The following TLL1 variants were observed in gnomAD, a reference collection of about 807,000 sequenced individuals.
The protein encoded by TLL1 is tolloid-like protein 1.
Under a neutral mutation model 128.2 loss-of-function variants are expected in TLL1, and 49 were observed. The ratio of observed to expected loss-of-function variants is 0.38; its 90% CI spans 0.30 to 0.48. TLL1 has a LOEUF of 0.48. Ranked by LOEUF, TLL1 falls within the 20% of genes least tolerant of loss-of-function variation. TLL1 has a pLI of 0.96. For synonymous variants in TLL1, 454 were observed against 418.8 expected, an observed-to-expected ratio of 1.08 and a Z score of -1.03; for missense variants, 1,123 against 1,242.0, an observed-to-expected ratio of 0.90 and a Z score of 1.44.
chr4:165,971,306 C>T (rs1301732350), intron 1 of TLL1, among the ~76,000 whole-genome samples: 1 of 152,106 alleles, frequency 6.6e-6, no homozygotes, highest in African/African-American at 2.4e-5. Flanking sequence ...TTGCCATGCC[C>T]CTTGTAGATT....
At chr4:165,918,333 A>C (rs1328310423) in intron 1 of TLL1, among the ~76,000 whole-genome samples, 1 of 152,164 alleles carries the variant, frequency 6.6e-6, no homozygotes, top group Non-Finnish European at 1.5e-5. Context: ...CAGGCTAAGA[A>C]TCTCTGGAGT....
chr4:166,006,938 T>C (rs538006842), intron 6 of TLL1, among the ~76,000 whole-genome samples: 3 of 151,850 alleles, frequency 2.0e-5, no homozygotes, highest in Admixed American at 2.0e-4. Context: ...GGGATCTTTT[T>C]ATATTTGATT....
At chr4:166,025,515 C>A in intron 9 of TLL1, 84 bp downstream of exon 9, 3 of 1,138,430 alleles carry the variant, frequency 2.6e-6, no homozygotes, top group Non-Finnish European at 2.6e-6. Context: ...TTGCTTTATC[C>A]TTTATTCTTG....
In TLL1 at chr4:166,065,786, A is replaced by G; in HGVS notation, c.2111A>G (p.Gln704Arg). 6.2e-7 allele frequency: 1 copy of G among 1,613,152 alleles called. No individual in the cohort carries two copies. Reference protein sequence around the residue: ...GAEVPEVITSQFNNMRIEFKS... With the variant: ...GAEVPEVITSRFNNMRIEFKS... ...GAAGTGCCTGAAGTGATCACATCCC[A>G]GTTCAACAATATGAGAATTGAATTC... The change falls in exon 16 of 21, where the codon CAG (glutamine) becomes CGG (arginine). Residue 704 changes from glutamine to arginine, a missense_variant. By Grantham distance (43) the Gln-to-Arg change is conservative. This residue lies in a region of TLL1 where 634 missense variants were observed against 672.4 expected (regional missense o/e 0.94). Transcript: ENST00000061240.
intron 1 of TLL1, among the ~76,000 whole-genome samples, chr4:165,957,805 G>A (rs578124557): frequency 1.2e-4 from 18 of 149,562 alleles, no homozygotes; most frequent in African/African-American, 3.7e-4. Flanking sequence ...CTGGTGTGCC[G>A]CACCCATTAA....
chr4:166,049,417 G>A (rs1739611790), intron 12 of TLL1, among the ~76,000 whole-genome samples: 1 of 152,034 alleles, frequency 6.6e-6, no homozygotes, highest in Admixed American at 6.6e-5. Context: ...TCCATCAGAG[G>A]CATGTCTGTT....
intron 12 of TLL1, among the ~76,000 whole-genome samples, chr4:166,052,965 G>GTGTGTGTGTGTATATATATATA: frequency 1.0e-5 from 1 of 99,648 alleles, no homozygotes; most frequent in African/African-American, 3.8e-5. Context: ...GAGGTTATGT[G>GTGTGTGTGTGTATATATATATA]TATATATATA....
chr4:166,006,854 C>A (rs74471419), intron 6 of TLL1, among the ~76,000 whole-genome samples: 2,041 of 151,748 alleles, frequency 0.013, 44 homozygotes, highest in African/African-American at 0.047. Flanking sequence ...AGTGAATACC[C>A]CACATTTCCT....
chr4:165,878,692 A>G (rs1302165699), intron 1 of TLL1, among the ~76,000 whole-genome samples: 1 of 151,870 alleles, frequency 6.6e-6, no homozygotes, highest in African/African-American at 2.4e-5. Flanking sequence ...GCTTCTGGGT[A>G]GTGTCATTCA....
intron 1 of TLL1, among the ~76,000 whole-genome samples, chr4:165,875,431 G>A (rs963071621): frequency 1.1e-4 from 17 of 152,134 alleles, no homozygotes; most frequent in Middle Eastern, 3.2e-3. Flanking sequence ...CTTAAATGCA[G>A]GTACTTATTT....
chr4:166,062,188 C>T (rs566624053), intron 15 of TLL1, among the ~76,000 whole-genome samples: 15 of 152,060 alleles, frequency 9.9e-5, no homozygotes, highest in Non-Finnish European at 2.1e-4. Flanking sequence ...TTAGGATTGT[C>T]GTGGAGATGT....
chr4:165,893,706 G>A (rs981114996), intron 1 of TLL1, among the ~76,000 whole-genome samples: 7 of 152,116 alleles, frequency 4.6e-5, no homozygotes, highest in Non-Finnish European at 8.8e-5. Flanking sequence ...AGCAGGTAAC[G>A]GTACCTATTC....
chr4:166,019,572 C>A (rs1738116635), intron 8 of TLL1, among the ~76,000 whole-genome samples: 1 of 151,854 alleles, frequency 6.6e-6, no homozygotes. Context: ...AGAGGTTAAT[C>A]TTGAAAAAAA....
intron 1 of TLL1, among the ~76,000 whole-genome samples, chr4:165,891,521 C>G (rs1731402461): frequency 6.6e-6 from 1 of 152,024 alleles, no homozygotes; most frequent in South Asian, 2.1e-4. Context: ...CATCAGATAC[C>G]CTAAATCATT....
At chr4:165,874,214 T>C (rs1447163037) in intron 1 of TLL1, 141 bp downstream of exon 1, 2 of 1,043,992 alleles carry the variant, frequency 1.9e-6, no homozygotes, top group East Asian at 4.9e-5. Flanking sequence ...CCCCTCCTTT[T>C]CCTTCCCTTC....
intron 1 of TLL1, among the ~76,000 whole-genome samples, chr4:165,936,777 T>TA (rs1399875773): frequency 6.6e-6 from 1 of 151,670 alleles, no homozygotes; most frequent in Non-Finnish European, 1.5e-5. Context: ...AAAATAATTT[T>TA]AAAAAATTGG....
At position 166,101,481 on chromosome 4, in the gene TLL1, A is replaced by G. The variant is rs1742284620; in HGVS notation, c.*605A>G. The G allele has an allele frequency of 6.5e-6, 1 of 154,158 alleles. No homozygotes were observed. Among genetic ancestry groups the G allele is most frequent in the Non-Finnish European group, 1.4e-5 (1 of 69,510 alleles). 9.5% of individuals were successfully genotyped at this position (154,158 alleles called of 1,614,324 possible). ...AGGCCAGCTTAACCTCTGAAACACA[A>G]ATGATCTTGAGACCACTTTAGTGTA... On this transcript the variant is annotated 3_prime_UTR_variant, in exon 21 of 21. Transcript: ENST00000061240.
At chr4:165,930,754 G>A (rs1203140899) in intron 1 of TLL1, among the ~76,000 whole-genome samples, 3 of 151,986 alleles carry the variant, frequency 2.0e-5, no homozygotes, top group Non-Finnish European at 4.4e-5. Flanking sequence ...TAACAAATAC[G>A]TTTTTCTCAT....
chr4:166,042,284 A>T (rs764188819), intron 11 of TLL1, 141 bp downstream of exon 11: 9 of 631,720 alleles, frequency 1.4e-5, no homozygotes, highest in Non-Finnish European at 2.3e-5. Flanking sequence ...ATTCATACAG[A>T]TAATTTTAAC....
Sources: allele counts gnomAD v4.1 joint callset (sites outside exome capture counted in the v4.1 genomes callset), GRCh38; gene constraint gnomAD v4.1.1; regional missense constraint gnomAD v4.1.1; transcripts MANE v1.5; gene names NCBI Gene and HGNC (gene_info 2026-07-23, HGNC 2026-07-21).